PTPRN2: variants seen among roughly 807,000 people sequenced by gnomAD.
PTPRN2 encodes receptor-type tyrosine-protein phosphatase N2.
A neutral mutation model predicts 118.8 loss-of-function variants in PTPRN2; 74 were observed. The ratio of observed to expected loss-of-function variants is 0.62; its 90% CI spans 0.52 to 0.76. The LOEUF is 0.76. Ranked by LOEUF, PTPRN2 falls within the 30% of genes least tolerant of loss-of-function variation. The pLI is 0.00. For synonymous variants in PTPRN2, 641 were observed against 608.0 expected, an observed-to-expected ratio of 1.05 and a Z score of -0.80; for missense variants, 1,481 against 1,394.4, an observed-to-expected ratio of 1.06 and a Z score of -0.99.
chr7:158,369,579 C>T (rs1448690518), intron 2 of PTPRN2, among the ~76,000 whole-genome samples: 2 of 152,146 alleles, frequency 1.3e-5, no homozygotes, highest in Non-Finnish European at 2.9e-5. Context: ...GGGGAATCTG[C>T]TCATTCACCA....
intron 12 of PTPRN2, among the ~76,000 whole-genome samples, chr7:157,757,746 A>G (rs2151000220): frequency 6.6e-6 from 1 of 152,160 alleles, no homozygotes; most frequent in East Asian, 1.9e-4. Flanking sequence ...CTTGCAAAAC[A>G]GCTTTTGAAG....
At chr7:158,138,151 A>C in intron 7 of PTPRN2, 143 bp downstream of exon 7, 1 of 749,928 alleles carries the variant, frequency 1.3e-6, no homozygotes, top group Middle Eastern at 3.9e-4. Context: ...AAGTTCAAAC[A>C]GATAAAAATC....
intron 2 of PTPRN2, among the ~76,000 whole-genome samples, chr7:158,395,416 TGAGGGGTGAGGGGC>T (rs1812319823): frequency 3.1e-4 from 1 of 3,212 alleles, no homozygotes; most frequent in Non-Finnish European, 5.4e-4. Context: ...GCGCGAGGGG[TGAGGGGTGAGGGGC>T]GAGGGGTGAG....
intron 2 of PTPRN2, among the ~76,000 whole-genome samples, chr7:158,480,839 A>G (rs1820594741): frequency 6.6e-6 from 1 of 152,254 alleles, no homozygotes; most frequent in Non-Finnish European, 1.5e-5. Flanking sequence ...GCTGCAGAAG[A>G]AAACTCTGAA....
chr7:157,545,784 C>G (rs748770320), intron 22 of PTPRN2, among the ~76,000 whole-genome samples: 1 of 152,160 alleles, frequency 6.6e-6, no homozygotes, highest in Admixed American at 6.5e-5. Flanking sequence ...TGGTCATGGT[C>G]TCCGGGTGCT....
At chr7:157,830,873 C>G (rs1469165141) in intron 12 of PTPRN2, among the ~76,000 whole-genome samples, 2 of 152,202 alleles carry the variant, frequency 1.3e-5, no homozygotes, top group East Asian at 3.8e-4. Flanking sequence ...CACATACGAA[C>G]GTGTGCTAAG....
chr7:157,884,951 T>A (rs1440598636), intron 12 of PTPRN2, among the ~76,000 whole-genome samples: 1 of 152,150 alleles, frequency 6.6e-6, no homozygotes, highest in East Asian at 1.9e-4. Context: ...CACCTCTTTG[T>A]GATTGACCCG....
intron 2 of PTPRN2, among the ~76,000 whole-genome samples, chr7:158,323,420 T>C (rs1385511861): frequency 6.6e-6 from 1 of 152,158 alleles, no homozygotes; most frequent in Non-Finnish European, 1.5e-5. Context: ...GGGACCGGAA[T>C]GGACAGTGCT....
rs573632355 is a variant in PTPRN2, at chr7:158,481,504, G to A, written c.163+8231C>T. 7.9e-5 allele frequency among the ~76,000 whole-genome samples: 12 copies of A among 152,292 alleles called. No homozygotes were observed. In the South Asian group the frequency reaches 1.0e-3, roughly 13 times the overall value. On this transcript the variant is annotated intron_variant, in intron 2 of 22. Coordinates refer to ENST00000389418, the MANE Select transcript of PTPRN2 (RefSeq NM_002847.5). ...TTTTGAGGTAGAGTCTTGCTCTGTCGCCCAAGCTGGAGTGCAGTGGTGCGA... is the reference window on the plus strand; with the variant it reads ...TTTTGAGGTAGAGTCTTGCTCTGTCACCCAAGCTGGAGTGCAGTGGTGCGA...
At chr7:157,604,819 G>C (rs977632402) in intron 15 of PTPRN2, among the ~76,000 whole-genome samples, 1 of 152,252 alleles carries the variant, frequency 6.6e-6, no homozygotes, top group Non-Finnish European at 1.5e-5. Context: ...TGTGTGATAT[G>C]AGAGCTGTCT....
At chr7:158,394,155 C>T (rs1812152385) in intron 2 of PTPRN2, among the ~76,000 whole-genome samples, 1 of 151,182 alleles carries the variant, frequency 6.6e-6, no homozygotes, top group Non-Finnish European at 1.5e-5. Flanking sequence ...CCCCTCTGTC[C>T]CCGACGGACA....
chr7:157,905,230 T>C (rs1797705845), intron 11 of PTPRN2, among the ~76,000 whole-genome samples: 5 of 152,216 alleles, frequency 3.3e-5, no homozygotes, highest in Admixed American at 3.3e-4. Flanking sequence ...ATGAACTCCA[T>C]GACAATACTG....
intron 11 of PTPRN2, among the ~76,000 whole-genome samples, chr7:158,039,493 G>A (rs989232733): frequency 1.3e-5 from 2 of 152,178 alleles, no homozygotes; most frequent in South Asian, 2.1e-4. Flanking sequence ...GGGGATTACA[G>A]ATAAAAGAAC....
At chr7:157,755,938 C>T (rs942122358) in intron 12 of PTPRN2, among the ~76,000 whole-genome samples, 5 of 152,204 alleles carry the variant, frequency 3.3e-5, no homozygotes, top group Non-Finnish European at 7.3e-5. Flanking sequence ...GCCCTTCCCA[C>T]GGCAGCGTCC....
intron 11 of PTPRN2, among the ~76,000 whole-genome samples, chr7:158,002,102 C>T (rs78357235): frequency 6.6e-6 from 1 of 152,158 alleles, no homozygotes; most frequent in Non-Finnish European, 1.5e-5. Context: ...ACCAGCTCTG[C>T]CCCCCACCGA....
At chr7:157,997,187 G>A (rs768310926) in intron 11 of PTPRN2, among the ~76,000 whole-genome samples, 11 of 152,246 alleles carry the variant, frequency 7.2e-5, no homozygotes, top group Admixed American at 5.9e-4. Flanking sequence ...TGCCTCCTGA[G>A]TGCCCACGTG....
At chr7:157,860,375 C>T (rs1213735860) in intron 12 of PTPRN2, among the ~76,000 whole-genome samples, 1 of 152,234 alleles carries the variant, frequency 6.6e-6, no homozygotes, top group Non-Finnish European at 1.5e-5. Flanking sequence ...AGCCTTCGCG[C>T]CTCTCCAGGA....
At chr7:158,280,034 G>A (rs373183089) in intron 3 of PTPRN2, among the ~76,000 whole-genome samples, 49 of 150,678 alleles carry the variant, frequency 3.3e-4, no homozygotes, top group African/African-American at 1.0e-3. Context: ...GCCCCGCGGC[G>A]GCCCCCACGC....
chr7:158,069,067 G>A (rs144195805), intron 11 of PTPRN2, among the ~76,000 whole-genome samples: 2 of 152,168 alleles, frequency 1.3e-5, no homozygotes, highest in African/African-American at 2.4e-5. Context: ...ATCGCATCTC[G>A]TTAGTGAAGC....
Sources: allele counts gnomAD v4.1 joint callset (sites outside exome capture counted in the v4.1 genomes callset), GRCh38; gene constraint gnomAD v4.1.1; transcripts MANE v1.5; gene names NCBI Gene and HGNC (gene_info 2026-07-23, HGNC 2026-07-21).